The following NAPB variants were observed in gnomAD, a reference collection of about 807,000 sequenced individuals.
NAPB encodes beta-soluble NSF attachment protein.
A neutral mutation model predicts 44.7 loss-of-function variants in NAPB; 26 were observed. The ratio of observed to expected loss-of-function variants is 0.58; its 90% CI spans 0.43 to 0.81. NAPB has a LOEUF of 0.81. Ranked by LOEUF, NAPB falls within the 30% of genes least tolerant of loss-of-function variation. The pLI is 0.00. For synonymous variants in NAPB, 120 were observed against 116.8 expected (o/e 1.03, Z -0.18); for missense variants, 315 against 356.4 (o/e 0.88, Z 0.94).
At position 23,421,432 on chromosome 20, in the gene NAPB, C is replaced by T; in HGVS notation, c.-30G>A. 1 of 1,536,510 alleles carries T rather than the reference C, an allele frequency of 6.5e-7. No individual in the cohort carries two copies. Among genetic ancestry groups the T allele is most frequent in the Non-Finnish European group, 8.8e-7 (1 of 1,140,078 alleles). ...CCCGCCGCGGCCGCCACAGCCCCCT[C>T]AGCCGGCTCGCTGTGCGCCCAGGCG... On this transcript the variant is annotated 5_prime_UTR_variant, in exon 1 of 11. Coordinates refer to ENST00000377026, the MANE Select transcript of NAPB (RefSeq NM_022080.3).
At chr20:23,393,157 G>C (rs908774607) in intron 5 of NAPB, among the ~76,000 whole-genome samples, 14 of 152,040 alleles carry the variant, frequency 9.2e-5, no homozygotes, top group African/African-American at 3.4e-4. Flanking sequence ...TCCACACCAG[G>C]GAACAAAGGA....
chr20:23,408,498 T>G (rs1985418475), intron 1 of NAPB, among the ~76,000 whole-genome samples: 1 of 152,242 alleles, frequency 6.6e-6, no homozygotes, highest in South Asian at 2.1e-4. Context: ...AACGTGCCTC[T>G]GCCATACACA....
intron 1 of NAPB, among the ~76,000 whole-genome samples, chr20:23,420,887 G>A (rs1986366373): frequency 6.6e-6 from 1 of 151,648 alleles, no homozygotes; most frequent in Non-Finnish European, 1.5e-5. Context: ...TCTGAAAGGC[G>A]CGTGGGGGCT....
intron 1 of NAPB, among the ~76,000 whole-genome samples, chr20:23,407,572 G>C (rs1985341233): frequency 6.6e-6 from 1 of 151,854 alleles, no homozygotes. Context: ...AACCACCCTT[G>C]CATTCCAGAG....
intron 1 of NAPB, among the ~76,000 whole-genome samples, chr20:23,416,720 T>C (rs1333086917): frequency 2.0e-5 from 3 of 152,212 alleles, no homozygotes; most frequent in Admixed American, 6.5e-5. Context: ...AGCCTAATAA[T>C]TTTTTTAAAA....
chr20:23,395,118 T>A, intron 4 of NAPB, 21 bp downstream of exon 4: 1 of 1,614,100 alleles, frequency 6.2e-7, no homozygotes, highest in East Asian at 2.2e-5. Flanking sequence ...CCACAGCCAC[T>A]CAAGCAATGC....
chr20:23,378,004 GGAGGCTACT>G (rs1475708541), intron 10 of NAPB, among the ~76,000 whole-genome samples: 70 of 152,224 alleles, frequency 4.6e-4, no homozygotes, highest in African/African-American at 1.6e-3. Flanking sequence ...ACATGTTACA[GGAGGCTACT>G]GAGAAATTTG....
At chr20:23,394,430 G>A (rs80336730) in intron 5 of NAPB, among the ~76,000 whole-genome samples, 2,789 of 152,282 alleles carry the variant, frequency 0.018, 73 homozygotes, top group East Asian at 0.092. Flanking sequence ...TCCAGTCCCA[G>A]ACATGTTGGG....
intron 1 of NAPB, among the ~76,000 whole-genome samples, chr20:23,413,349 T>C (rs953870503): frequency 1.3e-5 from 2 of 152,258 alleles, no homozygotes; most frequent in East Asian, 1.9e-4. Context: ...AAAAACATTA[T>C]GTAACAGGAT....
chr20:23,397,328 C>T, intron 2 of NAPB, 140 bp from the exon 3 acceptor site: 1 of 982,538 alleles, frequency 1.0e-6, no homozygotes, highest in Non-Finnish European at 1.4e-6. Flanking sequence ...CCATGTGGTC[C>T]AGTGCACCTC....
intron 8 of NAPB, chr20:23,380,853 GA>G (rs528749125): frequency 1.3e-4 from 21 of 158,214 alleles, no homozygotes; most frequent in South Asian, 8.3e-4. Context: ...CAAAACTACT[GA>G]AAAAAAAATG....
At chr20:23,398,853 A>ATTTTTT (rs1325138900) in intron 2 of NAPB, among the ~76,000 whole-genome samples, 7 of 135,024 alleles carry the variant, frequency 5.2e-5, no homozygotes, top group African/African-American at 1.2e-4. Context: ...TCAAAAAAAA[A>ATTTTTT]ATTTTTTTTT....
rs1481978717 is a variant in NAPB, at chr20:23,421,407, C to T, written c.-5G>A. On this transcript the variant is annotated 5_prime_UTR_variant, in exon 1 of 11. Transcript: ENST00000377026. ...CTCCTTCCCCGCGTTGTCCATGTCG[C>T]CCGCCGCGGCCGCCACAGCCCCCTC... The T allele has an allele frequency of 6.5e-7, 1 of 1,542,956 alleles. No individual in the cohort carries two copies. Among genetic ancestry groups the T allele is most frequent in the Non-Finnish European group, 8.7e-7 (1 of 1,144,314 alleles).
At chr20:23,377,569 C>T (rs1227035456) in intron 10 of NAPB, 83 bp from the exon 11 acceptor site, 3 of 657,834 alleles carry the variant, frequency 4.6e-6, no homozygotes, top group Non-Finnish European at 7.3e-6. Flanking sequence ...GCTGTTTATA[C>T]CTTTACAGCC....
At chr20:23,394,863 G>A in intron 5 of NAPB, 59 bp downstream of exon 5, 1 of 1,526,512 alleles carries the variant, frequency 6.6e-7, no homozygotes, top group Non-Finnish European at 9.1e-7. Flanking sequence ...GGAGAGGAGA[G>A]TTCTTTGAGT....
rs902130620 is a variant in NAPB at position 23,410,081 on chromosome 20, G to A, written c.99-7009C>T. Among the ~76,000 whole-genome samples the A allele has an allele frequency of 3.9e-5, 6 of 152,190 alleles. 1 individual carries two copies. Among genetic ancestry groups the A allele is most frequent in the Admixed American group, 3.3e-4 (5 of 15,280 alleles). ...CAGTTTCCAGAAGACACTGCTTCTGGGAGAAGGCAACTTAGAAGGTGGGGG... is the reference window on the plus strand; with the variant it reads ...CAGTTTCCAGAAGACACTGCTTCTGAGAGAAGGCAACTTAGAAGGTGGGGG... On this transcript the variant is annotated intron_variant, in intron 1 of 10. Transcript: ENST00000377026.
chr20:23,397,949 G>C (rs114449040), intron 2 of NAPB, among the ~76,000 whole-genome samples: 1 of 152,096 alleles, frequency 6.6e-6, no homozygotes, highest in Non-Finnish European at 1.5e-5. Context: ...ATGGATTCTG[G>C]AGTGCTGGAA....
intron 7 of NAPB, among the ~76,000 whole-genome samples, chr20:23,384,146 T>C (rs1457520047): frequency 3.9e-5 from 6 of 152,206 alleles, no homozygotes; most frequent in Admixed American, 1.3e-4. Context: ...GCAGACTTTT[T>C]TATATGTGAG....
chr20:23,381,380 CT>C, intron 7 of NAPB, 63 bp from the exon 8 acceptor site: 5 of 996,496 alleles, frequency 5.0e-6, no homozygotes, highest in African/African-American at 3.3e-5. Context: ...CAAAGTCATT[CT>C]CATCTGTTGT....
Sources: gnomAD v4.1 joint callset for allele counts (sites outside exome capture counted in the v4.1 genomes callset) on GRCh38, gnomAD v4.1.1 for gene constraint, MANE v1.5 for transcripts, NCBI Gene and HGNC (gene_info 2026-07-23, HGNC 2026-07-21) for gene names.